The following E2F3 variants were observed in gnomAD, a reference collection of about 807,000 sequenced individuals.
E2F3 encodes transcription factor E2F3.
Under a neutral mutation model 44.4 loss-of-function variants are expected in E2F3, and 11 were observed. The ratio of observed to expected loss-of-function variants is 0.25; its 90% CI spans 0.16 to 0.41. E2F3 has a LOEUF of 0.41. E2F3 is among the 10% of genes least tolerant of loss of function. The pLI, the probability that E2F3 is intolerant of heterozygous loss-of-function variation, is 1.00. For missense variants in E2F3, 487 were observed against 583.6 expected, an observed-to-expected ratio of 0.83 and a Z score of 1.70; for synonymous variants, 249 against 253.0, an observed-to-expected ratio of 0.98 and a Z score of 0.15.
chr6:20,481,333 A>G lies in E2F3; in HGVS notation c.633A>G (p.Leu211=), dbSNP rs745743197. 1.2e-6 allele frequency: 2 copies of G among 1,614,040 alleles called. No individual in the cohort carries two copies. Among genetic ancestry groups the G allele is most frequent in the Admixed American group, 1.7e-5 (1 of 60,004 alleles). ...ATTTGAACAAGGCAGCAGAAGTGCT[A>G]AAAGTGCAAAAGAGAAGGATTTATG... is the stretch of plus-strand genomic sequence containing the variant. The part of the protein sequence containing the change: ...VLDLNKAAEV[L]KVQKRRIYDI... The change falls in exon 3 of 7, where the codon CTA becomes CTG. Residue 211 remains leucine, a synonymous_variant. Transcript: ENST00000346618.
intron 1 of E2F3, among the ~76,000 whole-genome samples, chr6:20,430,472 A>C (rs1347373294): frequency 1.3e-5 from 2 of 152,252 alleles, no homozygotes; most frequent in Non-Finnish European, 2.9e-5. Context: ...GAAGGAAATA[A>C]ATTTCTGAAG....
intron 1 of E2F3, among the ~76,000 whole-genome samples, chr6:20,443,538 G>A (rs1156561092): frequency 2.0e-5 from 3 of 152,066 alleles, no homozygotes; most frequent in East Asian, 1.9e-4. Context: ...CCAGGAGTTC[G>A]AGATCAGCCT....
chr6:20,445,091 T>G (rs563077273), intron 1 of E2F3: 1 of 985,438 alleles, frequency 1.0e-6, no homozygotes, highest in East Asian at 1.1e-4. Context: ...TCAGTCGGGC[T>G]GGAGAGTCGA....
chr6:20,424,452 GTGT>G (rs925079535), intron 1 of E2F3, among the ~76,000 whole-genome samples: 2 of 151,982 alleles, frequency 1.3e-5, no homozygotes, highest in Non-Finnish European at 1.5e-5. Flanking sequence ...ATGTGTGTCT[GTGT>G]TGTTCTGTCT....
intron 1 of E2F3, among the ~76,000 whole-genome samples, chr6:20,450,536 G>C (rs1023057090): frequency 2.0e-5 from 3 of 152,134 alleles, no homozygotes; most frequent in African/African-American, 7.2e-5. Context: ...ACCTTTGTCA[G>C]ATGCATAGTT....
intron 1 of E2F3, among the ~76,000 whole-genome samples, chr6:20,458,152 C>T (rs1761377277): frequency 1.3e-5 from 2 of 152,118 alleles, no homozygotes; most frequent in African/African-American, 2.4e-5. Context: ...TTGTTCTGAA[C>T]TTACAGTGGG....
intron 1 of E2F3, among the ~76,000 whole-genome samples, chr6:20,460,253 G>A (rs747171424): frequency 2.2e-4 from 34 of 152,116 alleles, no homozygotes; most frequent in Admixed American, 5.9e-4. Flanking sequence ...TTTTACAAAT[G>A]AATTACACAG....
intron 4 of E2F3, among the ~76,000 whole-genome samples, chr6:20,483,760 C>G (rs1256405519): frequency 6.6e-6 from 1 of 152,208 alleles, no homozygotes; most frequent in Non-Finnish European, 1.5e-5. Context: ...TAAGTTATCC[C>G]ATCTCTAGTT....
intron 1 of E2F3, among the ~76,000 whole-genome samples, chr6:20,464,781 A>G (rs1761646849): frequency 6.6e-6 from 1 of 152,206 alleles, no homozygotes; most frequent in Non-Finnish European, 1.5e-5. Context: ...AGTGTGTTCA[A>G]ATATACCACC....
At chr6:20,418,810 C>G (rs1759932604) in intron 1 of E2F3, among the ~76,000 whole-genome samples, 1 of 151,582 alleles carries the variant, frequency 6.6e-6, no homozygotes, top group South Asian at 2.1e-4. Context: ...TTCCATGACT[C>G]TGGTGTGAAA....
At chr6:20,456,330 T>A (rs1026003667) in intron 1 of E2F3, among the ~76,000 whole-genome samples, 3 of 151,312 alleles carry the variant, frequency 2.0e-5, no homozygotes, top group Admixed American at 6.6e-5. Flanking sequence ...AAAAAAAAAA[T>A]TAGGTTCTAT....
At chr6:20,404,577 T>C (rs1167348546) in intron 1 of E2F3, among the ~76,000 whole-genome samples, 1 of 152,220 alleles carries the variant, frequency 6.6e-6, no homozygotes, top group Admixed American at 6.5e-5. Context: ...GGCAGCACTT[T>C]GGGAAATGGG....
chr6:20,457,081 C>T (rs989462830), intron 1 of E2F3, among the ~76,000 whole-genome samples: 1 of 152,112 alleles, frequency 6.6e-6, no homozygotes, highest in Admixed American at 6.6e-5. Flanking sequence ...CTCCTCCGCA[C>T]CCCCTTTGCC....
At chr6:20,471,264 T>G (rs775879257) in intron 1 of E2F3, among the ~76,000 whole-genome samples, 2 of 152,168 alleles carry the variant, frequency 1.3e-5, no homozygotes, top group Non-Finnish European at 2.9e-5. Flanking sequence ...CTTACTGAAT[T>G]TTTCTTCTGA....
At chr6:20,458,475 A>G (rs9465754) in intron 1 of E2F3, among the ~76,000 whole-genome samples, 6,710 of 151,952 alleles carry the variant, frequency 0.044, 479 homozygotes, top group African/African-American at 0.15. Context: ...CCATTTCTCC[A>G]CTTCCTCAGC....
chr6:20,428,964 A>G (rs1300256799), intron 1 of E2F3, among the ~76,000 whole-genome samples: 1 of 152,198 alleles, frequency 6.6e-6, no homozygotes, highest in Non-Finnish European at 1.5e-5. Flanking sequence ...GTGGTTCTCA[A>G]CTGGGGAATG....
intron 1 of E2F3, chr6:20,403,789 C>T (rs931826605): frequency 1.3e-6 from 2 of 1,498,872 alleles, no homozygotes; most frequent in Non-Finnish European, 1.8e-6. Flanking sequence ...CCCCCACCTC[C>T]CCCCGGAGCC....
intron 1 of E2F3, among the ~76,000 whole-genome samples, chr6:20,431,303 T>A (rs1165345472): frequency 6.6e-6 from 1 of 152,194 alleles, no homozygotes; most frequent in African/African-American, 2.4e-5. Flanking sequence ...ATGTTTTTGC[T>A]TCTGGAGAAG....
intron 1 of E2F3, among the ~76,000 whole-genome samples, chr6:20,404,571 G>T (rs1759429305): frequency 6.6e-6 from 1 of 152,226 alleles, no homozygotes; most frequent in Admixed American, 6.5e-5. Context: ...CACATAGGCA[G>T]CACTTTGGGA....
Sources: gnomAD v4.1 joint callset for allele counts (sites outside exome capture counted in the v4.1 genomes callset) on GRCh38, gnomAD v4.1.1 for gene constraint, MANE v1.5 for transcripts, NCBI Gene and HGNC (gene_info 2026-07-23, HGNC 2026-07-21) for gene names.